NCAM2: variants seen among roughly 807,000 people sequenced by gnomAD.
NCAM2 encodes neural cell adhesion molecule 2.
Under a neutral mutation model 98.1 loss-of-function variants are expected in NCAM2, and 30 were observed. The ratio of observed to expected loss-of-function variants is 0.31; its 90% CI spans 0.23 to 0.41. The LOEUF is 0.41. Ranked by LOEUF, NCAM2 falls within the 10% of genes least tolerant of loss-of-function variation. The pLI, the probability that NCAM2 is intolerant of heterozygous loss-of-function variation, is 1.00. For synonymous variants in NCAM2, 368 were observed against 342.4 expected (o/e 1.07, Z -0.83); for missense variants, 867 against 1,005.8 (o/e 0.86, Z 1.87).
In NCAM2 at chr21:21,539,982, A is replaced by G. The variant is rs548225255; in HGVS notation, c.*2025A>G. The G allele has an allele frequency of 6.6e-6, 1 of 152,202 alleles. No individual in the cohort carries two copies. The highest frequency in any genetic ancestry group is 2.1e-4 in the South Asian group (1 of 4,822). 9.4% of individuals were successfully genotyped at this position (152,202 alleles called of 1,614,324 possible). ...ATACTTGAATTAGTTTGTTTGTGCA[A>G]AGTGTACAAGCTTAGTAAAGTGTCC... On this transcript the variant is annotated 3_prime_UTR_variant, in exon 18 of 18. Transcript: ENST00000400546.
intron 1 of NCAM2, among the ~76,000 whole-genome samples, chr21:21,017,665 C>T (rs1237902615): frequency 6.6e-6 from 1 of 151,992 alleles, no homozygotes. Flanking sequence ...TAGGGTAATA[C>T]AAAATCATGG....
At chr21:21,019,806 A>G in intron 1 of NCAM2, among the ~76,000 whole-genome samples, 1 of 152,258 alleles carries the variant, frequency 6.6e-6, no homozygotes, top group East Asian at 1.9e-4. Context: ...CAGTTTTCGC[A>G]TACTTCGCTA....
intron 1 of NCAM2, among the ~76,000 whole-genome samples, chr21:21,082,152 CG>C (rs201395601): frequency 0.055 from 8,241 of 148,710 alleles, 721 homozygotes; most frequent in African/African-American, 0.19. Flanking sequence ...CGCTTGAACC[CG>C]GGAGGCAGAG....
At chr21:21,253,511 C>T (rs925117936) in intron 1 of NCAM2, among the ~76,000 whole-genome samples, 10 of 151,946 alleles carry the variant, frequency 6.6e-5, no homozygotes, top group African/African-American at 2.4e-4. Context: ...TTCCACAATG[C>T]GAGGACACAG....
intron 16 of NCAM2, among the ~76,000 whole-genome samples, chr21:21,515,346 C>A (rs562994987): frequency 2.8e-4 from 42 of 152,198 alleles, no homozygotes; most frequent in African/African-American, 1.0e-3. Flanking sequence ...ACCTTAGGAC[C>A]AATTCCCTTA....
intron 12 of NCAM2, among the ~76,000 whole-genome samples, chr21:21,458,695 T>A (rs1269792647): frequency 6.6e-6 from 1 of 152,188 alleles, no homozygotes; most frequent in Non-Finnish European, 1.5e-5. Context: ...TTGTGTTGTT[T>A]ATAAGCCTCC....
chr21:21,534,831 T>G (rs1989896974), intron 17 of NCAM2, among the ~76,000 whole-genome samples, 175 bp downstream of exon 17: 1 of 152,190 alleles, frequency 6.6e-6, no homozygotes, highest in Non-Finnish European at 1.5e-5. Flanking sequence ...GAGACATTTT[T>G]CATGAAAACT....
intron 1 of NCAM2, among the ~76,000 whole-genome samples, chr21:21,237,904 G>T (rs1271143488): frequency 8.3e-5 from 12 of 145,160 alleles, no homozygotes; most frequent in Non-Finnish European, 1.8e-4. Flanking sequence ...TTCCTTTAAA[G>T]AATCTTTCAT....
chr21:21,005,067 T>G (rs2064086820), intron 1 of NCAM2, among the ~76,000 whole-genome samples: 2 of 152,184 alleles, frequency 1.3e-5, no homozygotes, highest in Admixed American at 6.5e-5. Flanking sequence ...CTAAGCAGTT[T>G]GGAAAGGTGA....
intron 1 of NCAM2, chr21:21,210,757 GAGGTGGAGA>G: frequency 2.7e-6 from 2 of 744,292 alleles, no homozygotes; most frequent in Non-Finnish European, 3.7e-6. Context: ...GAAAGGCAAT[GAGGTGGAGA>G]ACATCTTATT....
At position 21,136,640 on chromosome 21, in the gene NCAM2, T is replaced by TTG. The variant is rs10631346; in HGVS notation, c.55+138023_55+138024insGT. Reference sequence around the variant, plus strand: ...CCACGCCTGTTTTTTGTTTTTTTTTTTATTTTTAGTAGAGATGGGGTTTCA... The same window carrying TTG: ...CCACGCCTGTTTTTTGTTTTTTTTTTTGTATTTTTAGTAGAGATGGGGTTTCA... On this transcript the variant is annotated intron_variant, in intron 1 of 17. Coordinates refer to ENST00000400546, the MANE Select transcript of NCAM2 (RefSeq NM_004540.5). Among the ~76,000 whole-genome samples, 60 of 147,944 alleles carry TTG rather than the reference T, an allele frequency of 4.1e-4. 2 individuals carry two copies. Among genetic ancestry groups the TTG allele is most frequent in the Middle Eastern group, 3.5e-3 (1 of 286 alleles).
At chr21:21,125,377 T>TATAATATTTTACATATATATGTAATAG (rs1179341806) in intron 1 of NCAM2, among the ~76,000 whole-genome samples, 3 of 146,726 alleles carry the variant, frequency 2.0e-5, no homozygotes, top group Non-Finnish European at 3.0e-5. Flanking sequence ...ATATGTAATA[T>TATAATATTTTACATATATATGTAATAG]ATAATATTTT....
chr21:21,126,265 A>G (rs2146593476), intron 1 of NCAM2, among the ~76,000 whole-genome samples: 1 of 137,990 alleles, frequency 7.2e-6, no homozygotes, highest in East Asian at 2.3e-4. Flanking sequence ...AAAATCGCAG[A>G]AAAAGTGTAT....
chr21:21,017,575 G>A (rs536856893), intron 1 of NCAM2, among the ~76,000 whole-genome samples: 3 of 152,002 alleles, frequency 2.0e-5, no homozygotes, highest in South Asian at 2.1e-4. Context: ...TCACTAATCC[G>A]GGTGCATGCC....
At chr21:21,276,001 C>T (rs2072714844) in intron 1 of NCAM2, among the ~76,000 whole-genome samples, 1 of 152,148 alleles carries the variant, frequency 6.6e-6, no homozygotes, top group South Asian at 2.1e-4. Context: ...CTATACTGAC[C>T]TACTAATTTC....
intron 1 of NCAM2, among the ~76,000 whole-genome samples, chr21:21,256,547 TAA>T (rs1485419562): frequency 2.0e-5 from 3 of 152,156 alleles, no homozygotes; most frequent in Non-Finnish European, 4.4e-5. Flanking sequence ...CCATTAATTA[TAA>T]GTCTTCCACA....
At chr21:21,314,850 A>G (rs915841533) in intron 5 of NCAM2, among the ~76,000 whole-genome samples, 1 of 152,126 alleles carries the variant, frequency 6.6e-6, no homozygotes. Context: ...GAGACTTTCT[A>G]TATTTCCATT....
chr21:21,146,991 C>A (rs1687596769), intron 1 of NCAM2: 4 of 696,948 alleles, frequency 5.7e-6, no homozygotes, highest in Non-Finnish European at 6.9e-6. Context: ...CCGCTGCCTT[C>A]TACTCCAGCA....
At chr21:21,166,091 A>G (rs2067942151) in intron 1 of NCAM2, among the ~76,000 whole-genome samples, 1 of 152,240 alleles carries the variant, frequency 6.6e-6, no homozygotes, top group African/African-American at 2.4e-5. Flanking sequence ...AGGCACCAAA[A>G]CAAGGCAATA....
Sources: gnomAD v4.1 joint callset for allele counts (sites outside exome capture counted in the v4.1 genomes callset) on GRCh38, gnomAD v4.1.1 for gene constraint, MANE v1.5 for transcripts, NCBI Gene and HGNC (gene_info 2026-07-23, HGNC 2026-07-21) for gene names.